The following BACH2 variants were observed in gnomAD, a reference collection of about 807,000 sequenced individuals.
The protein encoded by BACH2 is transcription regulator protein BACH2.
A neutral mutation model predicts 61.8 loss-of-function variants in BACH2; 5 were observed. The ratio of observed to expected loss-of-function variants is 0.08; its 90% CI spans 0.04 to 0.17. The LOEUF is 0.17. Among genes scored for constraint, BACH2 ranks in the 10% least tolerant of loss-of-function variants. The pLI is 1.00. For synonymous variants in BACH2, 446 were observed against 440.1 expected, an observed-to-expected ratio of 1.01 and a Z score of -0.17; for missense variants, 824 against 1,091.1, an observed-to-expected ratio of 0.76 and a Z score of 3.45.
intron 4 of BACH2, among the ~76,000 whole-genome samples, chr6:90,174,563 G>GA (rs1407904319): frequency 6.6e-6 from 1 of 151,476 alleles, no homozygotes; most frequent in African/African-American, 2.4e-5. Flanking sequence ...GTTGGAAAGG[G>GA]AAAAAAAACT....
intron 5 of BACH2, among the ~76,000 whole-genome samples, chr6:90,025,026 C>T (rs569724286): frequency 2.4e-4 from 37 of 152,218 alleles, no homozygotes; most frequent in Admixed American, 3.9e-4. Flanking sequence ...GAGACTACCC[C>T]GTTTAGCGGG....
In BACH2 at chr6:89,986,259, C is replaced by G. The variant is rs368832375; in HGVS notation, c.243+22343G>C. The stretch of plus-strand genomic sequence containing the variant: ...TTCCTGTGGGGTTTACAAGCTCATT[C>G]CATTGTCCAGAATCCTTGTGGGCAT... On this transcript the variant is annotated intron_variant, in intron 6 of 8. Coordinates refer to ENST00000257749, the MANE Select transcript of BACH2 (RefSeq NM_021813.4). Among the ~76,000 whole-genome samples the G allele has an allele frequency of 1.2e-4, 18 of 148,736 alleles. 3 individuals are homozygous for G. Among genetic ancestry groups the G allele is most frequent in the Admixed American group, 6.7e-4 (10 of 14,950 alleles).
chr6:90,296,423 A>C (rs2127898042), intron 1 of BACH2, 57 bp downstream of exon 1: 1 of 149,864 alleles, frequency 6.7e-6, no homozygotes, highest in East Asian at 2.0e-4. Context: ...CCCCCCGCAA[A>C]CTTGCCCCGC....
chr6:90,138,240 C>G (rs532243422), intron 4 of BACH2, among the ~76,000 whole-genome samples: 4 of 152,204 alleles, frequency 2.6e-5, no homozygotes, highest in Non-Finnish European at 5.9e-5. Context: ...CGGTGGCTCA[C>G]GCCTGTAATC....
chr6:90,124,031 A>G (rs1014082160), intron 4 of BACH2, among the ~76,000 whole-genome samples: 4 of 152,082 alleles, frequency 2.6e-5, no homozygotes, highest in East Asian at 3.9e-4. Context: ...TCAAAAACTG[A>G]TATCTCCACT....
rs74322734 is a variant in BACH2 at position 90,217,294 on chromosome 6, T to C, written c.-274-10613A>G. Among the ~76,000 whole-genome samples, 483 of 152,312 alleles carry C rather than the reference T, an allele frequency of 3.2e-3. 4 individuals carry two copies. Among genetic ancestry groups the C allele is most frequent in the African/African-American group, 0.011 (464 of 41,574 alleles). On this transcript the variant is annotated intron_variant, in intron 3 of 8. Transcript: ENST00000257749. ...GAAGGAGTTTATACGTGAAGTTCTA[T>C]GGTCACTAAAACCGTCTAAATAACC...
chr6:90,294,818 T>C (rs2127895536), intron 1 of BACH2, among the ~76,000 whole-genome samples: 1 of 152,288 alleles, frequency 6.6e-6, no homozygotes, highest in East Asian at 1.9e-4. Context: ...GCCCGAGCCT[T>C]TGCAGCAAGA....
chr6:90,016,740 T>C (rs138145592), intron 5 of BACH2, among the ~76,000 whole-genome samples: 48 of 152,316 alleles, frequency 3.2e-4, no homozygotes, highest in African/African-American at 1.0e-3. Context: ...AACTTTTCTC[T>C]GTAAAAGCCT....
At chr6:90,279,631 GTTTCTT>G (rs760520713) in intron 1 of BACH2, among the ~76,000 whole-genome samples, 1,654 of 151,824 alleles carry the variant, frequency 0.011, 9 homozygotes, top group South Asian at 0.024. Flanking sequence ...CCATAAAGTA[GTTTCTT>G]GGTCCTATAT....
chr6:89,952,170 G>T, intron 6 of BACH2: 1 of 351,912 alleles, frequency 2.8e-6, no homozygotes, highest in East Asian at 6.0e-5. Context: ...AAAATGCACG[G>T]TGACAATGGG....
chr6:89,941,471 C>T (rs1293538288), intron 7 of BACH2, among the ~76,000 whole-genome samples: 1 of 152,224 alleles, frequency 6.6e-6, no homozygotes, highest in Non-Finnish European at 1.5e-5. Flanking sequence ...ACACCACTGT[C>T]GGCTTGGCCC....
In BACH2 at chr6:90,149,438, G is replaced by A. The variant is rs529319302; in HGVS notation, c.-162+57131C>T. On this transcript the variant is annotated intron_variant, in intron 4 of 8. Transcript: ENST00000257749. ...TTCCAAAGTCCATCTTCTTCCTACCGTGCTACACATTGTCTCCTCTGTTTG... is the reference window on the plus strand; with the variant it reads ...TTCCAAAGTCCATCTTCTTCCTACCATGCTACACATTGTCTCCTCTGTTTG... Among the ~76,000 whole-genome samples the A allele has an allele frequency of 1.5e-4, 23 of 152,214 alleles. No individual in the cohort carries two copies. The East Asian group carries it at 3.9e-3, about 26-fold the overall frequency.
intron 5 of BACH2, among the ~76,000 whole-genome samples, chr6:90,084,564 C>A (rs1411836864): frequency 6.7e-6 from 1 of 148,190 alleles, no homozygotes; most frequent in Admixed American, 6.7e-5. Context: ...GGTATCTCAG[C>A]GGCTCCCCAT....
chr6:90,086,522 G>A (rs1167398450), intron 5 of BACH2, among the ~76,000 whole-genome samples: 5 of 152,076 alleles, frequency 3.3e-5, no homozygotes, highest in Admixed American at 1.3e-4. Context: ...GCCCCCTGTC[G>A]CCCTCTGCCC....
chr6:89,934,029 T>C (rs1429960212), intron 8 of BACH2, among the ~76,000 whole-genome samples: 6 of 151,204 alleles, frequency 4.0e-5, no homozygotes, highest in Non-Finnish European at 7.4e-5. Flanking sequence ...AAAAAAAAAG[T>C]CATCAACAAT....
intron 4 of BACH2, among the ~76,000 whole-genome samples, chr6:90,152,183 C>T (rs1478655512): frequency 7.2e-5 from 11 of 152,168 alleles, no homozygotes; most frequent in Admixed American, 7.2e-4. Flanking sequence ...AGAAGGTAAC[C>T]CTGTGTTCTG....
intron 4 of BACH2, among the ~76,000 whole-genome samples, chr6:90,197,219 G>T (rs1043774553): frequency 6.6e-6 from 1 of 152,244 alleles, no homozygotes; most frequent in Middle Eastern, 3.4e-3. Flanking sequence ...ACGTTATAAG[G>T]CCTCTGTATC....
chr6:89,950,766 G>A lies in BACH2; in HGVS notation c.1340C>T (p.Ser447Phe), dbSNP rs745477920. The part of the protein sequence containing the change: ...ACDQVSTSVH[S>F]YSGVSSLDKD... The stretch of plus-strand genomic sequence containing the variant: ...GTCCAAACTGCTCACCCCAGAATAA[G>A]AATGCACCGAGGTGCTCACTTGGTC... Residue 447 changes from serine (S) to phenylalanine (F), a missense_variant, in exon 7 of 9, where the codon TCT (serine) becomes TTT (phenylalanine). This residue lies in a region of BACH2 where 102 missense variants were observed against 98.1 expected (regional missense o/e 1.04). Coordinates refer to ENST00000257749, the MANE Select transcript of BACH2 (RefSeq NM_021813.4). This position sits in a 1 kb window ranked among gnomAD's most constrained non-coding sequence, Gnocchi z 5.3. 2.5e-6 allele frequency: 4 copies of A among 1,614,178 alleles called. No homozygotes were observed. Among genetic ancestry groups the A allele is most frequent in the Admixed American group, 1.7e-5 (1 of 60,024 alleles).
chr6:90,089,249 C>T (rs1335546932), intron 4 of BACH2, 140 bp from the exon 5 acceptor site: 1 of 152,114 alleles, frequency 6.6e-6, no homozygotes, highest in East Asian at 1.9e-4. Context: ...CTGTCGGCCT[C>T]TTGACCAATC....
Sources: allele counts gnomAD v4.1 joint callset (sites outside exome capture counted in the v4.1 genomes callset), GRCh38; gene constraint gnomAD v4.1.1; regional missense constraint gnomAD v4.1.1; non-coding constraint Gnocchi (gnomAD v3.1); transcripts MANE v1.5; gene names NCBI Gene and HGNC (gene_info 2026-07-23, HGNC 2026-07-21).